GAB4: variants seen among roughly 807,000 people sequenced by gnomAD.
The protein encoded by GAB4 is GRB2-associated-binding protein 4.
GAB4 carries 26 observed loss-of-function variants against 51.3 expected under a neutral mutation model. The observed-to-expected ratio is 0.51, with a 90% CI of 0.37 to 0.70. The LOEUF is 0.70. Among genes scored for constraint, GAB4 ranks in the 30% least tolerant of loss-of-function variants. The probability of loss-of-function intolerance (pLI) is 0.00; values close to 1 mark genes in which losing one functional copy is unlikely to be tolerated. For synonymous variants in GAB4, 329 were observed against 291.2 expected, an observed-to-expected ratio of 1.13 and a Z score of -1.32; for missense variants, 759 against 734.6, an observed-to-expected ratio of 1.03 and a Z score of -0.38.
chr22:16,992,220 C>T, intron 1 of GAB4, 44 bp from the exon 2 acceptor site: 1 of 1,548,750 alleles, frequency 6.5e-7, no homozygotes, highest in Non-Finnish European at 8.8e-7. Flanking sequence ...TTTGTTATTA[C>T]AAAGCTTTTA....
At chr22:17,003,076 C>T (rs570284330) in intron 1 of GAB4, among the ~76,000 whole-genome samples, 5 of 151,892 alleles carry the variant, frequency 3.3e-5, no homozygotes, top group East Asian at 1.9e-4. Context: ...ACATCAAAAA[C>T]GAAAAGAAGG....
In GAB4 at chr22:16,991,968, C is replaced by G. The variant is rs779967778; in HGVS notation, c.383G>C (p.Arg128Pro). 2 of 1,613,818 alleles carry G rather than the reference C, an allele frequency of 1.2e-6. No individual in the cohort carries two copies. The highest frequency in any genetic ancestry group is 1.7e-6 in the Non-Finnish European group (2 of 1,179,672). Residue 128 changes from arginine (R) to proline (P), a missense_variant, in exon 2 of 10, where the codon CGT becomes CCT. Arg to Pro is a moderately radical substitution (Grantham distance 103). This residue lies in a region of GAB4 where 88 missense variants were observed against 151.3 expected (regional missense o/e 0.58). Transcript: ENST00000400588. ...GYMFDIKTSE[R>P]TFYLVAETRE... ...GGTCTCAGCCACCAGGTAAAAGGTA[C>G]GCTCACTGGTCTTGATGTCAAACAT... is the stretch of plus-strand genomic sequence containing the variant.
At chr22:16,989,880 C>T (rs2060899758) in intron 2 of GAB4, among the ~76,000 whole-genome samples, 1 of 152,212 alleles carries the variant, frequency 6.6e-6, no homozygotes, top group Admixed American at 6.5e-5. Flanking sequence ...CCCACAGCCC[C>T]CAGGACCACC....
chr22:16,984,352 A>T (rs2060850427), intron 3 of GAB4, among the ~76,000 whole-genome samples: 1 of 152,244 alleles, frequency 6.6e-6, no homozygotes, highest in South Asian at 2.1e-4. Flanking sequence ...TCTTTGTAGG[A>T]ATGTAAATTA....
intron 1 of GAB4, among the ~76,000 whole-genome samples, chr22:17,001,708 G>A (rs780536553): frequency 6.6e-6 from 1 of 152,154 alleles, no homozygotes; most frequent in Non-Finnish European, 1.5e-5. Flanking sequence ...TTCCTTCGGA[G>A]GAGAAGAGGC....
At chr22:16,964,701 G>A (rs148368810) in intron 8 of GAB4, 65 bp downstream of exon 8, 29 of 1,158,854 alleles carry the variant, frequency 2.5e-5, no homozygotes, top group African/African-American at 3.1e-5. Flanking sequence ...GCTGGGAAGC[G>A]GGGACATGAG....
At chr22:16,991,024 G>C (rs79247356) in intron 2 of GAB4, among the ~76,000 whole-genome samples, 1,816 of 152,146 alleles carry the variant, frequency 0.012, 13 homozygotes, top group East Asian at 0.048. Flanking sequence ...ATAAAATAGA[G>C]ACTATCTGTG....
Position 16,966,141 on chromosome 22 carries a change from T to C in GAB4, c.1247A>G (p.Gln416Arg). Residue 416 changes from glutamine (Q) to arginine (R), a missense_variant, in exon 6 of 10, where the codon CAG becomes CGG. By Grantham distance (43) the Gln-to-Arg change is conservative. Around this residue, in one of 3 missense-constraint regions of GAB4, gnomAD observed 588 missense variants for 510.2 expected, o/e 1.15. Transcript: ENST00000400588. ...HQDLSQGHEVQLPPVNRSLKP... is the reference protein window; with the variant it reads ...HQDLSQGHEVRLPPVNRSLKP... Reference sequence around the variant, plus strand: ...GAGGCTGCGGTTGACAGGGGGCAGCTGGACCTCATGTCCCTGGCTGAGGTC... The same window carrying C: ...GAGGCTGCGGTTGACAGGGGGCAGCCGGACCTCATGTCCCTGGCTGAGGTC... 1 of 1,614,048 alleles carries C rather than the reference T, an allele frequency of 6.2e-7. No individual in the cohort carries two copies. The highest frequency in any genetic ancestry group is 8.5e-7 in the Non-Finnish European group (1 of 1,179,966).
chr22:16,990,478 A>G (rs1244577096), intron 2 of GAB4, among the ~76,000 whole-genome samples: 1 of 152,152 alleles, frequency 6.6e-6, no homozygotes, highest in East Asian at 1.9e-4. Context: ...TTGCCCTCCC[A>G]ATAAAGTCCA....
At chr22:16,998,949 T>C (rs2123719457) in intron 1 of GAB4, among the ~76,000 whole-genome samples, 1 of 151,950 alleles carries the variant, frequency 6.6e-6, no homozygotes, top group South Asian at 2.1e-4. Flanking sequence ...CATTTATTGA[T>C]GTGTGTATGT....
rs201165731 is a variant in GAB4 at position 16,963,786 on chromosome 22, G to A, written c.1520C>T (p.Ser507Leu). The change falls in exon 9 of 10, where the codon TCA (serine) becomes TTA (leucine). Residue 507 changes from serine to leucine, a missense_variant. By Grantham distance (145) the Ser-to-Leu change is moderately radical. Around this residue, in one of 3 missense-constraint regions of GAB4, gnomAD observed 588 missense variants for 510.2 expected, o/e 1.15. Transcript: ENST00000400588. ...AFPVSGGTSS[S>L]APPRSTGNIH... is the part of the protein sequence containing the mutation. ...GTTACCAGTGCTCCTCGGCGGGGCT[G>A]AACTGCTGGTGCCACCGGAAACAGG... 1.2e-4 allele frequency: 194 copies of A among 1,613,838 alleles called. No homozygotes were observed. Among genetic ancestry groups the A allele is most frequent in the Non-Finnish European group, 1.5e-4 (182 of 1,179,990 alleles).
intron 3 of GAB4, among the ~76,000 whole-genome samples, chr22:16,987,127 T>G (rs2060874616): frequency 6.6e-6 from 1 of 152,262 alleles, no homozygotes; most frequent in South Asian, 2.1e-4. Context: ...AAGTCATCTA[T>G]TAACACAGCC....
chr22:16,995,217 G>A (rs1326511274), intron 1 of GAB4, among the ~76,000 whole-genome samples: 1 of 152,138 alleles, frequency 6.6e-6, no homozygotes, highest in Non-Finnish European at 1.5e-5. Flanking sequence ...ACAGTGATGA[G>A]GATGACTCTG....
chr22:16,979,940 G>A (rs1250073319), intron 3 of GAB4, among the ~76,000 whole-genome samples: 1 of 152,160 alleles, frequency 6.6e-6, no homozygotes. Flanking sequence ...ATGGTGTTGG[G>A]AAAACTGGGT....
At position 16,970,072 on chromosome 22, in the gene GAB4, A is replaced by C. The variant is rs1243714209; in HGVS notation, c.808T>G (p.Phe270Val). 3.7e-6 allele frequency: 6 copies of C among 1,614,144 alleles called. No homozygotes were observed. In the Admixed American group the frequency reaches 1.0e-4, roughly 27 times the overall value. Residue 270 changes from phenylalanine (F) to valine (V), a missense_variant, in exon 4 of 10, where the codon TTC (phenylalanine) becomes GTC (valine). By Grantham distance (50) the Phe-to-Val change is conservative. Transcript: ENST00000400588. ...TGGCTGGGCTTGGAAAGGCTATGGA[A>C]GCCATGGATGTGACCGCTGACCCCA... ...VDGVSGHIHGFHSLSKPSQHN... is the reference protein window; with the variant it reads ...VDGVSGHIHGVHSLSKPSQHN...
chr22:17,002,519 A>C (rs2061005883), intron 1 of GAB4, among the ~76,000 whole-genome samples: 1 of 152,192 alleles, frequency 6.6e-6, no homozygotes, highest in African/African-American at 2.4e-5. Flanking sequence ...GACAGGATGA[A>C]GATACTGCAC....
intron 3 of GAB4, among the ~76,000 whole-genome samples, chr22:16,982,910 G>T (rs146840462): frequency 6.6e-6 from 1 of 152,104 alleles, no homozygotes; most frequent in African/African-American, 2.4e-5. Flanking sequence ...CTGCCCTGCC[G>T]CACCATAATC....
Position 16,968,323 on chromosome 22 carries a change from A to G in GAB4, c.998T>C (p.Met333Thr), listed in dbSNP as rs1281170145. The G allele has an allele frequency of 6.2e-7, 1 of 1,613,916 alleles. No individual in the cohort carries two copies. Among genetic ancestry groups the G allele is most frequent in the Admixed American group, 1.7e-5 (1 of 60,004 alleles). The change falls in exon 5 of 10, where the codon ATG (methionine) becomes ACG (threonine). Residue 333 changes from methionine to threonine, a missense_variant. Transcript: ENST00000400588. ...CAGGAAAGAACAGACTCCCTCATGC[A>G]TGGACTCAGCAGGCCGGCTGGCATT... ...GGNASRPAES[M>T]HEGVCSFLPG... is the part of the protein sequence containing the mutation.
intron 7 of GAB4, 148 bp downstream of exon 7, chr22:16,965,030 G>A (rs1435407609): frequency 1.4e-6 from 1 of 716,136 alleles, no homozygotes; most frequent in South Asian, 1.8e-5. Context: ...AGATGAGAAG[G>A]CCGTCACGCC....
Sources: gnomAD v4.1 joint callset for allele counts (sites outside exome capture counted in the v4.1 genomes callset) on GRCh38, gnomAD v4.1.1 for gene constraint, gnomAD v4.1.1 regional missense constraint, MANE v1.5 for transcripts, NCBI Gene and HGNC (gene_info 2026-07-23, HGNC 2026-07-21) for gene names.